The following LOC128706666 variants were observed in gnomAD, a reference collection of about 807,000 sequenced individuals.
At chr20:10,433,403 C>T in the LOC128706666 span, among the ~76,000 whole-genome samples, 1 of 152,220 alleles carries the variant, frequency 6.6e-6, no homozygotes, top group Admixed American at 6.5e-5. Context: ...AACATGGAGT[C>T]AGGACCGTGC....
the LOC128706666 span, among the ~76,000 whole-genome samples, chr20:10,431,205 T>G: frequency 1.3e-5 from 2 of 152,132 alleles, no homozygotes; most frequent in African/African-American, 4.8e-5. Context: ...ATCAAAGCAA[T>G]TATATATTAT....
the LOC128706666 span, among the ~76,000 whole-genome samples, chr20:10,426,242 T>G: frequency 6.6e-6 from 1 of 152,246 alleles, no homozygotes; most frequent in South Asian, 2.1e-4. Context: ...CCTAGTACTC[T>G]ACTAAGCAAT....
chr20:10,423,145 A>G, the LOC128706666 span, among the ~76,000 whole-genome samples: 1 of 152,190 alleles, frequency 6.6e-6, no homozygotes, highest in Non-Finnish European at 1.5e-5. Flanking sequence ...AGCTTATAAA[A>G]AGAGATTAGG....
At chr20:10,414,342 C>T in the LOC128706666 span, among the ~76,000 whole-genome samples, 12 of 149,892 alleles carry the variant, frequency 8.0e-5, no homozygotes, top group South Asian at 2.1e-4. Context: ...CTTGGCTCAC[C>T]ACAACCTCAG....
the LOC128706666 span, among the ~76,000 whole-genome samples, chr20:10,416,642 T>C: frequency 1.3e-5 from 2 of 152,238 alleles, no homozygotes; most frequent in Non-Finnish European, 2.9e-5. Context: ...CTTGCTTTCC[T>C]TGTATAAATG....
chr20:10,432,756 C>G, the LOC128706666 span, among the ~76,000 whole-genome samples: 16 of 131,716 alleles, frequency 1.2e-4, no homozygotes, highest in East Asian at 2.2e-3. Context: ...AGAGATCCAG[C>G]TTCAGCCTGC....
the LOC128706666 span, among the ~76,000 whole-genome samples, chr20:10,416,037 A>G: frequency 6.6e-6 from 1 of 152,200 alleles, no homozygotes; most frequent in African/African-American, 2.4e-5. Context: ...GTTTGGAAGT[A>G]TCAGTTCAGC....
the LOC128706666 span, chr20:10,413,832 A>G: frequency 2.1e-6 from 1 of 468,550 alleles, no homozygotes; most frequent in Non-Finnish European, 3.8e-6. Flanking sequence ...GACACCTATG[A>G]AAGATATCCC....
At chr20:10,416,760 G>A in the LOC128706666 span, among the ~76,000 whole-genome samples, 20 of 152,294 alleles carry the variant, frequency 1.3e-4, no homozygotes, top group Middle Eastern at 3.4e-3. Flanking sequence ...TAATGAAATA[G>A]TGCATTAGAC....
the LOC128706666 span, among the ~76,000 whole-genome samples, chr20:10,423,455 A>G: frequency 6.6e-6 from 1 of 152,206 alleles, no homozygotes; most frequent in African/African-American, 2.4e-5. Context: ...GAGACTGGAT[A>G]GGATAAAAGG....
the LOC128706666 span, among the ~76,000 whole-genome samples, chr20:10,421,148 G>A: frequency 6.6e-6 from 1 of 152,062 alleles, no homozygotes; most frequent in Non-Finnish European, 1.5e-5. Flanking sequence ...TATAATTACA[G>A]GCTGAGGGTG....
the LOC128706666 span, among the ~76,000 whole-genome samples, chr20:10,424,800 C>T: frequency 6.6e-6 from 1 of 151,838 alleles, no homozygotes; most frequent in Non-Finnish European, 1.5e-5. Context: ...GCCTGTAATC[C>T]CAGCACTTTG....
chr20:10,427,615 G>A, the LOC128706666 span, among the ~76,000 whole-genome samples: 2 of 152,156 alleles, frequency 1.3e-5, no homozygotes. Context: ...AGTTTGAATT[G>A]TGGCATTTTT....
At chr20:10,426,891 T>A in the LOC128706666 span, among the ~76,000 whole-genome samples, 2 of 152,118 alleles carry the variant, frequency 1.3e-5, no homozygotes, top group Non-Finnish European at 2.9e-5. Context: ...GTTAGTTCAG[T>A]TTTCTTTAAT....
At chr20:10,415,527 G>T in the LOC128706666 span, among the ~76,000 whole-genome samples, 1 of 152,304 alleles carries the variant, frequency 6.6e-6, no homozygotes, top group Non-Finnish European at 1.5e-5. Context: ...GTCAACTTTT[G>T]TATGGCATGA....
At chr20:10,421,103 T>A in the LOC128706666 span, among the ~76,000 whole-genome samples, 129 of 148,542 alleles carry the variant, frequency 8.7e-4, no homozygotes, top group Non-Finnish European at 1.3e-3. Flanking sequence ...CACAATAGAG[T>A]AAGAGCCTTT....
the LOC128706666 span, among the ~76,000 whole-genome samples, chr20:10,431,163 T>C: frequency 6.6e-6 from 1 of 152,164 alleles, no homozygotes; most frequent in African/African-American, 2.4e-5. Context: ...GAATCATATA[T>C]AAAAATAGGC....
At chr20:10,419,400 T>C in the LOC128706666 span, among the ~76,000 whole-genome samples, 1 of 152,158 alleles carries the variant, frequency 6.6e-6, no homozygotes, top group Non-Finnish European at 1.5e-5. Flanking sequence ...CGCTATATTA[T>C]AGTAAATCAA....
the LOC128706666 span, among the ~76,000 whole-genome samples, chr20:10,431,411 CA>C: frequency 6.6e-6 from 1 of 152,064 alleles, no homozygotes; most frequent in South Asian, 2.1e-4. Flanking sequence ...CTACTAGCCT[CA>C]GGGGGGAACT....
Sources: gnomAD v4.1 joint callset for allele counts (sites outside exome capture counted in the v4.1 genomes callset) on GRCh38, gnomAD v4.1.1 for gene constraint, MANE v1.5 for transcripts.